The following FBXW7 variants were observed in gnomAD, a reference collection of about 807,000 sequenced individuals.
The protein encoded by FBXW7 is F-box/WD repeat-containing protein 7.
FBXW7 carries 11 observed loss-of-function variants against 86.3 expected under a neutral mutation model. The ratio of observed to expected loss-of-function variants is 0.13; its 90% CI spans 0.08 to 0.21. The LOEUF is 0.21. Among genes scored for constraint, FBXW7 ranks in the 10% least tolerant of loss-of-function variants. FBXW7 has a pLI of 1.00. For missense variants in FBXW7, 488 were observed against 847.4 expected, an observed-to-expected ratio of 0.58 and a Z score of 5.27; for synonymous variants, 313 against 297.9, an observed-to-expected ratio of 1.05 and a Z score of -0.52.
At position 152,511,876 on chromosome 4, in the gene FBXW7, A is replaced by G. The variant is rs181182337; in HGVS notation, c.-120+23065T>C. ...AGACATTCTGGAAATATTTTTAAGA[A>G]TAAGTAAAAATATTTCATTTTTACC... On this transcript the variant is annotated intron_variant, in intron 2 of 13. Transcript: ENST00000281708. Among the ~76,000 whole-genome samples, 134 of 152,290 alleles carry G rather than the reference A, an allele frequency of 8.8e-4. 1 individual carries two copies. Among genetic ancestry groups the G allele is most frequent in the Non-Finnish European group, 1.5e-3 (105 of 67,992 alleles).
intron 4 of FBXW7, among the ~76,000 whole-genome samples, chr4:152,373,259 G>A (rs926426806): frequency 1.3e-5 from 2 of 151,960 alleles, no homozygotes; most frequent in South Asian, 2.1e-4. Flanking sequence ...ACTTCACAAG[G>A]TGATTTTAAG....
chr4:152,463,190 C>T (rs1036242537), intron 2 of FBXW7, among the ~76,000 whole-genome samples: 2 of 151,566 alleles, frequency 1.3e-5, no homozygotes, highest in East Asian at 1.9e-4. Flanking sequence ...TGGAGGCTGA[C>T]GCATGAGAAT....
chr4:152,500,557 T>C (rs369812299), intron 2 of FBXW7, among the ~76,000 whole-genome samples: 8 of 151,520 alleles, frequency 5.3e-5, no homozygotes, highest in Admixed American at 2.0e-4. Flanking sequence ...TTCTTCCCAT[T>C]GTGACTGCAA....
At chr4:152,425,924 G>A (rs151215925) in intron 2 of FBXW7, among the ~76,000 whole-genome samples, 33 of 152,222 alleles carry the variant, frequency 2.2e-4, no homozygotes, top group African/African-American at 7.7e-4. Flanking sequence ...CACAAAAATG[G>A]ACAGTCAGGG....
chr4:152,466,048 T>A (rs1219600865), intron 2 of FBXW7, among the ~76,000 whole-genome samples: 2 of 152,156 alleles, frequency 1.3e-5, no homozygotes, highest in Non-Finnish European at 2.9e-5. Flanking sequence ...TCAATTCCCC[T>A]AATAAAAACA....
intron 4 of FBXW7, among the ~76,000 whole-genome samples, chr4:152,371,774 A>C (rs192810306): frequency 1.3e-5 from 2 of 152,118 alleles, no homozygotes; most frequent in African/African-American, 4.8e-5. Flanking sequence ...AGTGCCTAGA[A>C]CTGGGCCTGG....
chr4:152,444,210 C>G (rs1022930157), intron 2 of FBXW7, among the ~76,000 whole-genome samples: 1 of 152,018 alleles, frequency 6.6e-6, no homozygotes, highest in Non-Finnish European at 1.5e-5. Context: ...ATATGTATGA[C>G]CATAATTTTA....
intron 2 of FBXW7, among the ~76,000 whole-genome samples, chr4:152,480,714 G>A (rs952164143): frequency 4.6e-5 from 7 of 152,172 alleles, no homozygotes; most frequent in Non-Finnish European, 1.0e-4. Flanking sequence ...TATGGACAAA[G>A]GTTTGGTGTT....
intron 2 of FBXW7, among the ~76,000 whole-genome samples, chr4:152,424,191 A>G (rs959073995): frequency 2.0e-5 from 3 of 152,050 alleles, no homozygotes; most frequent in African/African-American, 7.2e-5. Context: ...TTTAAAATGT[A>G]CATTGGGATT....
At chr4:152,347,911 T>G (rs1731423820) in intron 5 of FBXW7, among the ~76,000 whole-genome samples, 1 of 152,070 alleles carries the variant, frequency 6.6e-6, no homozygotes, top group Admixed American at 6.6e-5. Context: ...CCTTTCTAAT[T>G]TCTGCATGTA....
At chr4:152,330,976 C>T (rs1246530769) in intron 8 of FBXW7, 108 bp from the exon 9 acceptor site, 1 of 1,080,328 alleles carries the variant, frequency 9.3e-7, no homozygotes, top group Non-Finnish European at 1.3e-6. Context: ...CTGCTCAAAA[C>T]CACTGAAATG....
At chr4:152,365,604 GT>G (rs1419972199) in intron 4 of FBXW7, among the ~76,000 whole-genome samples, 1 of 152,296 alleles carries the variant, frequency 6.6e-6, no homozygotes, top group East Asian at 1.9e-4. Context: ...GATAACACCT[GT>G]TTTCTCACTT....
chr4:152,497,817 C>T (rs1055008062), intron 2 of FBXW7, among the ~76,000 whole-genome samples: 21 of 152,192 alleles, frequency 1.4e-4, no homozygotes, highest in Non-Finnish European at 2.4e-4. Flanking sequence ...ACGAGCATTA[C>T]AATATTATTT....
intron 7 of FBXW7, among the ~76,000 whole-genome samples, chr4:152,333,444 G>T (rs1442635575): frequency 6.6e-6 from 1 of 150,752 alleles, no homozygotes; most frequent in Non-Finnish European, 1.5e-5. Context: ...TTTTTTCAGT[G>T]TGTCAGTTCA....
chr4:152,458,086 C>T (rs550004360), intron 2 of FBXW7, among the ~76,000 whole-genome samples: 12 of 152,284 alleles, frequency 7.9e-5, no homozygotes, highest in Non-Finnish European at 1.6e-4. Context: ...CTGGTGCAGT[C>T]TCAGCTCACT....
At chr4:152,512,385 G>C (rs1748059600) in intron 2 of FBXW7, among the ~76,000 whole-genome samples, 1 of 152,154 alleles carries the variant, frequency 6.6e-6, no homozygotes, top group Non-Finnish European at 1.5e-5. Flanking sequence ...TTTCTATTAT[G>C]TTTATAGACA....
At position 152,337,811 on chromosome 4, in the gene FBXW7, G is replaced by A. The variant is rs2126583021; in HGVS notation, c.852C>T (p.Leu284=). The A allele has an allele frequency of 6.2e-7, 1 of 1,610,234 alleles. No individual in the cohort carries two copies. Among genetic ancestry groups the A allele is most frequent in the Non-Finnish European group, 8.5e-7 (1 of 1,178,412 alleles). ...PQFQRDFISL[L]PKELALYVLS... ...AATTGATAATCTTTACCTCTTTAGGGAGCAATGAAATGAAGTCTCGTTGAA... is the reference window on the plus strand; with the variant it reads ...AATTGATAATCTTTACCTCTTTAGGAAGCAATGAAATGAAGTCTCGTTGAA... Residue 284 remains leucine (L), a synonymous_variant, in exon 7 of 14, where the codon CTC becomes CTT. Transcript: ENST00000281708.
chr4:152,406,441 T>C (rs1335768022), intron 4 of FBXW7, among the ~76,000 whole-genome samples: 2 of 152,184 alleles, frequency 1.3e-5, no homozygotes, highest in Non-Finnish European at 2.9e-5. Context: ...ATAGTAACTG[T>C]CATTACCTGC....
chr4:152,326,910 A>C (rs573576776), intron 11 of FBXW7, among the ~76,000 whole-genome samples: 2 of 152,242 alleles, frequency 1.3e-5, no homozygotes, highest in East Asian at 3.9e-4. Flanking sequence ...ATAGGCTATA[A>C]AAATATTAAG....
Sources: allele counts gnomAD v4.1 joint callset (sites outside exome capture counted in the v4.1 genomes callset), GRCh38; gene constraint gnomAD v4.1.1; transcripts MANE v1.5; gene names NCBI Gene and HGNC (gene_info 2026-07-23, HGNC 2026-07-21).